NKD1: variants seen among roughly 807,000 people sequenced by gnomAD.
NKD1 encodes the protein NKD inhibitor of Wnt signaling pathway 1.
A neutral mutation model predicts 56.0 loss-of-function variants in NKD1; 21 were observed. The observed-to-expected ratio is 0.38, with a 90% confidence interval of 0.27 to 0.54. NKD1 has a LOEUF of 0.54. NKD1 is among the 20% of genes least tolerant of loss of function. The pLI is 0.82. For synonymous variants in NKD1, 263 were observed against 265.7 expected (o/e 0.99, Z 0.10); for missense variants, 578 against 642.7 (o/e 0.90, Z 1.09).
intron 3 of NKD1, among the ~76,000 whole-genome samples, chr16:50,553,294 A>G (rs1054878517): frequency 1.3e-5 from 2 of 152,254 alleles, no homozygotes; most frequent in African/African-American, 4.8e-5. Context: ...GTGAATATGT[A>G]CAACCAGATT....
Position 50,636,715 on chromosome 16 carries a change from T to C in NKD1, c.*2934T>C, listed in dbSNP as rs1478676342. The C allele has an allele frequency of 6.6e-6, 1 of 152,248 alleles. No individual in the cohort carries two copies. The highest frequency in any genetic ancestry group is 1.9e-4 in the East Asian group (1 of 5,204). The allele number at this position is 152,248 out of a possible 1,614,324, so 9.4% of individuals were successfully genotyped here. On this transcript the variant is annotated 3_prime_UTR_variant, in exon 10 of 10. Coordinates refer to ENST00000268459, the MANE Select transcript of NKD1 (RefSeq NM_033119.5). ...GTTAGCTGTTCTTTACCAGAATAAA[T>C]GCATTTCTATATCTTCCCATATGCA...
At chr16:50,607,117 A>G (rs750870792) in intron 3 of NKD1, 30 of 433,746 alleles carry the variant, frequency 6.9e-5, no homozygotes, top group South Asian at 4.7e-4. Context: ...GAATGGCCAC[A>G]TTTTAACAGC....
intron 3 of NKD1, among the ~76,000 whole-genome samples, chr16:50,582,089 G>T (rs761472395): frequency 2.1e-4 from 32 of 152,172 alleles, no homozygotes; most frequent in Non-Finnish European, 5.9e-5. Flanking sequence ...CCAGATGCCA[G>T]CCTTGATCTG....
At chr16:50,621,827 A>C in intron 5 of NKD1, 119 bp downstream of exon 5, 1 of 728,538 alleles carries the variant, frequency 1.4e-6, no homozygotes, top group Admixed American at 2.4e-5. Context: ...CTGCATGAAC[A>C]GCACCCTCTG....
At chr16:50,574,290 T>C in intron 3 of NKD1, 1 of 985,316 alleles carries the variant, frequency 1.0e-6, no homozygotes, top group Non-Finnish European at 1.2e-6. Flanking sequence ...CAGTGGGGGC[T>C]AGGGATTGGA....
intron 3 of NKD1, among the ~76,000 whole-genome samples, chr16:50,583,536 A>G (rs948630938): frequency 6.6e-6 from 1 of 152,200 alleles, no homozygotes; most frequent in Admixed American, 6.5e-5. Context: ...AGGAGCTACC[A>G]GCACAACTGC....
intron 3 of NKD1, chr16:50,574,907 T>A: frequency 1.0e-6 from 1 of 985,470 alleles, no homozygotes; most frequent in Non-Finnish European, 1.2e-6. Context: ...CCTTGGAATT[T>A]ATGGAAGCCT....
chr16:50,549,541 G>A lies in NKD1; in HGVS notation c.178G>A (p.Gly60Ser), dbSNP rs753952154. 14 of 1,597,354 alleles carry A rather than the reference G, an allele frequency of 8.8e-6. No individual in the cohort carries two copies. The highest frequency in any genetic ancestry group is 1.1e-5 in the Non-Finnish European group (13 of 1,170,982). Residue 60 changes from glycine to serine, a missense_variant, in exon 3 of 10, where the codon GGC becomes AGC. Coordinates refer to ENST00000268459, the MANE Select transcript of NKD1 (RefSeq NM_033119.5). ...ACAGCTGCGGTTGGCGGGCACCATAGGCCGAAGCACCCGGGTATGATTCCC... is the reference window on the plus strand; with the variant it reads ...ACAGCTGCGGTTGGCGGGCACCATAAGCCGAAGCACCCGGGTATGATTCCC... ...PRQLRLAGTIGRSTRELVGDV... is the reference protein window; with the variant it reads ...PRQLRLAGTISRSTRELVGDV...
At chr16:50,553,237 C>T (rs2151261652) in intron 3 of NKD1, among the ~76,000 whole-genome samples, 1 of 152,364 alleles carries the variant, frequency 6.6e-6, no homozygotes, top group South Asian at 2.1e-4. Flanking sequence ...AGGTGGGAAA[C>T]ACTTGGTGAA....
chr16:50,632,358 A>G lies in NKD1; in HGVS notation c.773A>G (p.His258Arg). 1 of 1,614,080 alleles carries G rather than the reference A, an allele frequency of 6.2e-7. No individual in the cohort carries two copies. The highest frequency in any genetic ancestry group is 8.5e-7 in the Non-Finnish European group (1 of 1,179,968). ...GATGAGAACATCGAGAGGAGAAACCACTACTTAGATCTCGCCGGGATAGAA... is the reference window on the plus strand; with the variant it reads ...GATGAGAACATCGAGAGGAGAAACCGCTACTTAGATCTCGCCGGGATAGAA... ...CVDENIERRN[H>R]YLDLAGIENY... The change falls in exon 9 of 10, where the codon CAC becomes CGC. Residue 258 changes from histidine (H) to arginine (R), a missense_variant. Coordinates refer to ENST00000268459, the MANE Select transcript of NKD1 (RefSeq NM_033119.5). The surrounding 1 kb of genome is among the most constrained non-coding windows in gnomAD (Gnocchi z 4.1).
chr16:50,569,004 C>T (rs978495719), intron 3 of NKD1, among the ~76,000 whole-genome samples: 1 of 152,172 alleles, frequency 6.6e-6, no homozygotes, highest in African/African-American at 2.4e-5. Context: ...CCTTCTCTTC[C>T]CCACCTTCCC....
chr16:50,601,112 G>C (rs955812801), intron 3 of NKD1, among the ~76,000 whole-genome samples: 1 of 152,254 alleles, frequency 6.6e-6, no homozygotes, highest in African/African-American at 2.4e-5. Context: ...CCAGGAGCCT[G>C]TCTTCCCTCT....
rs979634657 is a variant in NKD1, at chr16:50,562,349, C to G, written c.192+12794C>G. On this transcript the variant is annotated intron_variant, in intron 3 of 9. Coordinates refer to ENST00000268459, the MANE Select transcript of NKD1 (RefSeq NM_033119.5). ...ATAGAGAAAGATCTGGAAGGGTACA[C>G]TGTCAAGGACTATTTCCCTGAGGAA... 3 of 805,588 alleles carry G rather than the reference C, an allele frequency of 3.7e-6. No individual in the cohort carries two copies. The Admixed American group carries it at 1.9e-4, about 50-fold the overall frequency. The allele number at this position is 805,588 out of a possible 1,614,324, so 49.9% of individuals were successfully genotyped here. A position where few individuals can be genotyped will look rare whatever the true frequency, so the allele number is the denominator to read the frequency against.
At chr16:50,606,831 A>AG (rs1488800848) in intron 3 of NKD1, 1 of 456,624 alleles carries the variant, frequency 2.2e-6, no homozygotes, top group Non-Finnish European at 4.4e-6. Flanking sequence ...CCAGCCTTTC[A>AG]GGGGGCGGTG....
chr16:50,606,847 C>T (rs768564224), intron 3 of NKD1: 9 of 456,550 alleles, frequency 2.0e-5, no homozygotes, highest in African/African-American at 4.0e-5. Flanking sequence ...CGGTGGCACC[C>T]GTCTCTCTTC....
intron 3 of NKD1, among the ~76,000 whole-genome samples, chr16:50,578,632 C>T (rs947663576): frequency 1.3e-5 from 2 of 152,194 alleles, no homozygotes; most frequent in African/African-American, 4.8e-5. Context: ...ACACTGTGTA[C>T]ATTTCTCATA....
intron 4 of NKD1, among the ~76,000 whole-genome samples, chr16:50,619,825 C>T (rs1264213744): frequency 2.0e-5 from 3 of 152,150 alleles, no homozygotes; most frequent in Non-Finnish European, 4.4e-5. Flanking sequence ...GAGAACAGAA[C>T]CCACGTGGAG....
At chr16:50,628,067 G>A (rs1302418987) in intron 6 of NKD1, among the ~76,000 whole-genome samples, 3 of 152,212 alleles carry the variant, frequency 2.0e-5, no homozygotes, top group Non-Finnish European at 4.4e-5. Flanking sequence ...TCCCCGAGAT[G>A]AGCAAGGCAG....
chr16:50,562,196 A>G, intron 3 of NKD1: 1 of 422,134 alleles, frequency 2.4e-6, no homozygotes, highest in Non-Finnish European at 3.2e-6. Flanking sequence ...TCTCTTGCTG[A>G]CAGGAAAGAG....
Sources: gnomAD v4.1 joint callset for allele counts (sites outside exome capture counted in the v4.1 genomes callset) on GRCh38, gnomAD v4.1.1 for gene constraint, Gnocchi (gnomAD v3.1) non-coding constraint, MANE v1.5 for transcripts, NCBI Gene and HGNC (gene_info 2026-07-23, HGNC 2026-07-21) for gene names.